The following FRMD4A variants were observed in gnomAD, a reference collection of about 807,000 sequenced individuals.
FRMD4A encodes the protein FERM domain-containing protein 4A.
In FRMD4A, 29 loss-of-function variants were observed where a neutral mutation model predicts 129.1. That is an observed-to-expected ratio of 0.22 (90% CI 0.17 to 0.31). FRMD4A has a LOEUF of 0.31. Among genes scored for constraint, FRMD4A ranks in the 10% least tolerant of loss-of-function variants. The pLI is 1.00. For missense variants in FRMD4A, 1,272 were observed against 1,375.8 expected (o/e 0.92, Z 1.19); for synonymous variants, 634 against 571.6 (o/e 1.11, Z -1.56).
At chr10:14,161,448 G>GA (rs1267951868) in intron 2 of FRMD4A, among the ~76,000 whole-genome samples, 3 of 152,120 alleles carry the variant, frequency 2.0e-5, no homozygotes, top group Non-Finnish European at 2.9e-5. Context: ...AATATATAAA[G>GA]AAAATGTGAC....
At chr10:14,148,417 T>C (rs1171433933) in intron 2 of FRMD4A, among the ~76,000 whole-genome samples, 1 of 152,198 alleles carries the variant, frequency 6.6e-6, no homozygotes, top group African/African-American at 2.4e-5. Flanking sequence ...AGAGAAGACA[T>C]TCTCAAAGGG....
At chr10:13,757,201 G>A (rs371641454) in intron 8 of FRMD4A, among the ~76,000 whole-genome samples, 2 of 152,186 alleles carry the variant, frequency 1.3e-5, no homozygotes, top group African/African-American at 4.8e-5. Context: ...TTAACAGCTT[G>A]GAGGCTACTG....
At chr10:14,169,442 C>A (rs867444123) in intron 2 of FRMD4A, among the ~76,000 whole-genome samples, 8 of 152,192 alleles carry the variant, frequency 5.3e-5, no homozygotes, top group East Asian at 3.9e-4. Flanking sequence ...CACACACACC[C>A]TTTTCCTATG....
At chr10:13,779,355 A>G (rs926730313) in intron 6 of FRMD4A, among the ~76,000 whole-genome samples, 5 of 152,006 alleles carry the variant, frequency 3.3e-5, no homozygotes, top group South Asian at 2.1e-4. Flanking sequence ...TCTTCCATCA[A>G]TGTTCTGACA....
intron 2 of FRMD4A, among the ~76,000 whole-genome samples, chr10:14,071,802 G>A (rs984032576): frequency 3.9e-5 from 6 of 152,136 alleles, no homozygotes; most frequent in Non-Finnish European, 8.8e-5. Flanking sequence ...AGTGTTGAAT[G>A]TAGAAGAATT....
intron 2 of FRMD4A, among the ~76,000 whole-genome samples, chr10:13,955,587 A>T (rs1175428903): frequency 6.6e-6 from 1 of 152,188 alleles, no homozygotes; most frequent in African/African-American, 2.4e-5. Flanking sequence ...GCCTTTGCAT[A>T]TGGCTAGAAA....
intron 2 of FRMD4A, among the ~76,000 whole-genome samples, chr10:14,054,020 T>C (rs1185868718): frequency 6.6e-6 from 1 of 151,798 alleles, no homozygotes; most frequent in African/African-American, 2.4e-5. Context: ...AAAATTTTTT[T>C]TTAAAAATTA....
chr10:14,224,654 G>A (rs1247167695), intron 2 of FRMD4A, among the ~76,000 whole-genome samples: 1 of 152,044 alleles, frequency 6.6e-6, no homozygotes, highest in Non-Finnish European at 1.5e-5. Context: ...ACTGTTCAGG[G>A]CCCCACCTAG....
chr10:13,677,752 G>C (rs1353690285), intron 15 of FRMD4A, among the ~76,000 whole-genome samples: 1 of 152,162 alleles, frequency 6.6e-6, no homozygotes, highest in African/African-American at 2.4e-5. Context: ...CTTAGTAACA[G>C]TCACCAATCA....
chr10:13,684,312 G>C, intron 15 of FRMD4A: 8 of 984,674 alleles, frequency 8.1e-6, no homozygotes, highest in Non-Finnish European at 9.6e-6. Flanking sequence ...GAGAGATGGA[G>C]TTACTCACGC....
intron 2 of FRMD4A, among the ~76,000 whole-genome samples, chr10:13,915,620 C>G (rs1178125102): frequency 6.7e-6 from 1 of 149,500 alleles, no homozygotes; most frequent in African/African-American, 2.5e-5. Context: ...TGCAGTGAGC[C>G]GAGATCACGC....
chr10:14,068,334 G>A (rs1445288138), intron 2 of FRMD4A, among the ~76,000 whole-genome samples: 1 of 152,092 alleles, frequency 6.6e-6, no homozygotes, highest in Non-Finnish European at 1.5e-5. Context: ...AGAGTGAAAT[G>A]GTTATGCCTA....
At chr10:13,797,091 A>C (rs891857064) in intron 4 of FRMD4A, among the ~76,000 whole-genome samples, 1 of 152,178 alleles carries the variant, frequency 6.6e-6, no homozygotes, top group Admixed American at 6.5e-5. Flanking sequence ...CCGAGTCAGC[A>C]GTGGATACTG....
chr10:14,163,831 G>C (rs1443364171), intron 2 of FRMD4A, among the ~76,000 whole-genome samples: 1 of 152,192 alleles, frequency 6.6e-6, no homozygotes, highest in East Asian at 1.9e-4. Context: ...CTTGCTTCCC[G>C]AGTCGTGTTC....
intron 2 of FRMD4A, among the ~76,000 whole-genome samples, chr10:13,984,361 A>G (rs2131410705): frequency 6.6e-6 from 1 of 152,292 alleles, no homozygotes; most frequent in African/African-American, 2.4e-5. Context: ...TCAGTTCCAG[A>G]TACTGACCTA....
intron 2 of FRMD4A, among the ~76,000 whole-genome samples, chr10:13,974,019 C>CTTT (rs66523920): frequency 4.8e-4 from 46 of 96,604 alleles, no homozygotes; most frequent in Non-Finnish European, 6.8e-4. Flanking sequence ...AGGGACAGTT[C>CTTT]TTTTTTTTTT....
At chr10:13,774,235 C>G (rs2092540354) in intron 6 of FRMD4A, among the ~76,000 whole-genome samples, 3 of 152,086 alleles carry the variant, frequency 2.0e-5, no homozygotes, top group Admixed American at 2.0e-4. Context: ...CATTTTCCTG[C>G]TCTATTGTAT....
At chr10:13,824,321 C>CAAAAAAAAAAAAAAAA (rs397721588) in intron 3 of FRMD4A, among the ~76,000 whole-genome samples, 1 of 99,046 alleles carries the variant, frequency 1.0e-5, no homozygotes. Flanking sequence ...ACTAAAAATA[C>CAAAAAAAAAAAAAAAA]AAAAAAAAAA....
At chr10:13,912,607 C>T (rs573003777) in intron 2 of FRMD4A, among the ~76,000 whole-genome samples, 174 of 148,928 alleles carry the variant, frequency 1.2e-3, no homozygotes, top group Non-Finnish European at 2.1e-3. Context: ...CGGCTCACTG[C>T]AAGCTCCGCC....
Sources: allele counts gnomAD v4.1 joint callset (sites outside exome capture counted in the v4.1 genomes callset), GRCh38; gene constraint gnomAD v4.1.1; transcripts MANE v1.5; gene names NCBI Gene and HGNC (gene_info 2026-07-23, HGNC 2026-07-21).